The following CUX1 variants were observed in gnomAD, a reference collection of about 807,000 sequenced individuals.
The protein encoded by CUX1 is cut like homeobox 1.
In CUX1, 31 loss-of-function variants were observed where a neutral mutation model predicts 158.8. The ratio of observed to expected loss-of-function variants is 0.20; its 90% CI spans 0.15 to 0.26. The LOEUF (loss-of-function observed/expected upper bound fraction) is 0.26. CUX1 is among the 10% of genes least tolerant of loss of function. The probability of loss-of-function intolerance (pLI) is 1.00; values close to 1 mark genes in which losing one functional copy is unlikely to be tolerated. For missense variants in CUX1, 1,589 were observed against 2,014.6 expected, an observed-to-expected ratio of 0.79 and a Z score of 4.04; for synonymous variants, 879 against 862.1, an observed-to-expected ratio of 1.02 and a Z score of -0.34.
chr7:101,960,098 C>T (rs936424309), intron 2 of CUX1: 3 of 152,162 alleles, frequency 2.0e-5, no homozygotes, highest in African/African-American at 7.2e-5. Flanking sequence ...CTTTTTTCAT[C>T]CTCGACCCAG....
intron 20 of CUX1, among the ~76,000 whole-genome samples, chr7:102,211,399 T>C (rs1358088329): frequency 6.6e-6 from 1 of 152,038 alleles, no homozygotes; most frequent in Non-Finnish European, 1.5e-5. Context: ...TGAGCAATGA[T>C]AGCATCACTG....
At chr7:102,197,950 A>G (rs1794969036) in intron 15 of CUX1, among the ~76,000 whole-genome samples, 1 of 152,212 alleles carries the variant, frequency 6.6e-6, no homozygotes, top group South Asian at 2.1e-4. Flanking sequence ...TGTCAGTCAC[A>G]TTCATAATTT....
At chr7:102,269,950 C>A (rs1554545906) in intron 14 of CUX1, among the ~76,000 whole-genome samples, 3 of 152,200 alleles carry the variant, frequency 2.0e-5, no homozygotes, top group African/African-American at 7.2e-5. Flanking sequence ...CACCTTCGTG[C>A]TTACCAGAAC....
chr7:101,942,380 G>C (rs1011166169), intron 2 of CUX1, among the ~76,000 whole-genome samples: 2 of 152,058 alleles, frequency 1.3e-5, no homozygotes, highest in African/African-American at 4.8e-5. Context: ...GTGTCTTTTC[G>C]ATCTTACCTT....
At chr7:102,130,913 CTG>C (rs1475085558) in intron 8 of CUX1, among the ~76,000 whole-genome samples, 3 of 151,964 alleles carry the variant, frequency 2.0e-5, no homozygotes, top group South Asian at 2.1e-4. Flanking sequence ...CTTTGGGAGA[CTG>C]TGGTGGGCAG....
chr7:102,120,931 G>A lies in CUX1; in HGVS notation c.674+5658G>A, dbSNP rs544762538. On this transcript the variant is annotated intron_variant, in intron 8 of 23. Transcript: ENST00000292535. ...AATACAAAAATTATCTGGGCATGGT[G>A]TTGTGCCTTTAGTTCCATTTACTTG... 7.9e-5 allele frequency among the ~76,000 whole-genome samples: 12 copies of A among 152,286 alleles called. No homozygotes were observed. In the South Asian group the frequency reaches 2.1e-3, roughly 26 times the overall value.
intron 3 of CUX1, among the ~76,000 whole-genome samples, chr7:102,060,414 AG>A (rs1490648365): frequency 3.3e-5 from 5 of 151,910 alleles, no homozygotes; most frequent in Admixed American, 2.0e-4. Flanking sequence ...TTATTAGCGA[AG>A]GTTAGTGCTG....
intron 8 of CUX1, among the ~76,000 whole-genome samples, chr7:102,123,057 C>A (rs1241575422): frequency 2.0e-5 from 3 of 151,992 alleles, no homozygotes; most frequent in African/African-American, 7.3e-5. Context: ...ATGGTGAAAC[C>A]CCGTCTCTAC....
chr7:101,993,798 A>G (rs1014599741), intron 2 of CUX1, among the ~76,000 whole-genome samples: 1 of 152,004 alleles, frequency 6.6e-6, no homozygotes, highest in Admixed American at 6.6e-5. Flanking sequence ...CCCGGTGCAG[A>G]CTGGGACATT....
At chr7:101,960,888 G>A (rs1042198419) in intron 2 of CUX1, 3 of 152,204 alleles carry the variant, frequency 2.0e-5, no homozygotes, top group Non-Finnish European at 1.5e-5. Flanking sequence ...TCCAGTGCCA[G>A]TGCCCTGTGA....
chr7:102,014,114 C>T (rs540213132), intron 2 of CUX1, among the ~76,000 whole-genome samples: 233 of 152,306 alleles, frequency 1.5e-3, no homozygotes, highest in Non-Finnish European at 2.7e-3. Context: ...GTCCAAGCAG[C>T]TTCTAAACTG....
At chr7:101,953,523 G>A (rs146939224) in intron 2 of CUX1, among the ~76,000 whole-genome samples, 1 of 152,182 alleles carries the variant, frequency 6.6e-6, no homozygotes, top group Non-Finnish European at 1.5e-5. Flanking sequence ...TCAGGGGAGA[G>A]GAGCCACTTC....
At chr7:101,954,539 T>C (rs1195058916) in intron 2 of CUX1, among the ~76,000 whole-genome samples, 2 of 152,228 alleles carry the variant, frequency 1.3e-5, no homozygotes, top group Non-Finnish European at 2.9e-5. Context: ...CTGGGCACAG[T>C]GGCTCATGCC....
At chr7:101,947,833 C>G (rs528276360) in intron 2 of CUX1, among the ~76,000 whole-genome samples, 1 of 152,114 alleles carries the variant, frequency 6.6e-6, no homozygotes, top group South Asian at 2.1e-4. Flanking sequence ...GGATGAAGAC[C>G]AATTTTGAGT....
At chr7:101,943,528 A>G (rs1807978732) in intron 2 of CUX1, among the ~76,000 whole-genome samples, 1 of 151,822 alleles carries the variant, frequency 6.6e-6, no homozygotes, top group African/African-American at 2.4e-5. Flanking sequence ...TCTTTGGTGC[A>G]GTCTTGGTGT....
intron 1 of CUX1, among the ~76,000 whole-genome samples, chr7:101,821,992 C>T (rs190647486): frequency 4.0e-5 from 6 of 151,368 alleles, no homozygotes; most frequent in South Asian, 4.2e-4. Context: ...GTAGCTGGGA[C>T]TACAGGCGCC....
intron 3 of CUX1, among the ~76,000 whole-genome samples, chr7:102,028,880 C>T (rs1820379945): frequency 6.6e-6 from 1 of 151,982 alleles, no homozygotes. Flanking sequence ...ACCTCTTTAG[C>T]TTCTCCCGAC....
At chr7:102,243,490 A>C (rs914693319) in intron 23 of CUX1, among the ~76,000 whole-genome samples, 29 of 151,872 alleles carry the variant, frequency 1.9e-4, no homozygotes, top group Non-Finnish European at 3.2e-4. Flanking sequence ...TTTTATAAGC[A>C]ACGAAACAGG....
rs1804561744 is a variant in CUX1, at chr7:101,918,985, G to T, written c.141+2760G>T. ...ATTTTTAGTAGATTTCACTATGTTG[G>T]CCAGGCTGGTCTCGAACTCCTGACC... On this transcript the variant is annotated intron_variant, in intron 2 of 23. Transcript: ENST00000292535. Among the ~76,000 whole-genome samples, 8 of 152,150 alleles carry T rather than the reference G, an allele frequency of 5.3e-5. No homozygotes were observed. The South Asian group carries it at 1.7e-3, about 32-fold the overall frequency.
Sources: allele counts gnomAD v4.1 joint callset (sites outside exome capture counted in the v4.1 genomes callset), GRCh38; gene constraint gnomAD v4.1.1; transcripts MANE v1.5; gene names NCBI Gene and HGNC (gene_info 2026-07-23, HGNC 2026-07-21).